The following THSD7B variants were observed in gnomAD, a reference collection of about 807,000 sequenced individuals.
THSD7B encodes the protein thrombospondin type 1 domain containing 7B.
In THSD7B, 138 loss-of-function variants were observed where a neutral mutation model predicts 213.6. That is an observed-to-expected ratio of 0.65 (90% CI 0.56 to 0.74). The LOEUF (loss-of-function observed/expected upper bound fraction) is 0.74. Among genes scored for constraint, THSD7B ranks in the 30% least tolerant of loss-of-function variants. The probability of loss-of-function intolerance (pLI) is 0.00; values close to 1 mark genes in which losing one functional copy is unlikely to be tolerated. For synonymous variants in THSD7B, 742 were observed against 687.0 expected (o/e 1.08, Z -1.25); for missense variants, 1,931 against 1,991.5 (o/e 0.97, Z 0.58).
intron 12 of THSD7B, among the ~76,000 whole-genome samples, chr2:137,378,246 C>T (rs1394463974): frequency 6.6e-6 from 1 of 152,128 alleles, no homozygotes; most frequent in Non-Finnish European, 1.5e-5. Flanking sequence ...GATTTATATG[C>T]ATTTATGATG....
intron 12 of THSD7B, among the ~76,000 whole-genome samples, chr2:137,338,449 A>G (rs925346630): frequency 6.6e-6 from 1 of 152,082 alleles, no homozygotes; most frequent in African/African-American, 2.4e-5. Context: ...GCTTGCACAA[A>G]AAAGAGAAGA....
chr2:137,195,034 A>C (rs973354129), intron 7 of THSD7B, among the ~76,000 whole-genome samples: 1 of 152,054 alleles, frequency 6.6e-6, no homozygotes, highest in African/African-American at 2.4e-5. Flanking sequence ...GAAAGATGCT[A>C]TCTTTAGGAC....
At chr2:137,420,873 G>A (rs1428996479) in intron 14 of THSD7B, among the ~76,000 whole-genome samples, 3 of 152,126 alleles carry the variant, frequency 2.0e-5, no homozygotes, top group Admixed American at 1.3e-4. Context: ...TGTAGTCAGG[G>A]CCATGCTCAC....
At chr2:137,571,023 C>T (rs972467214) in intron 16 of THSD7B, among the ~76,000 whole-genome samples, 4 of 152,094 alleles carry the variant, frequency 2.6e-5, no homozygotes, top group African/African-American at 9.7e-5. Context: ...CATAGGGGTA[C>T]AGCTGGATGA....
chr2:137,425,099 G>GCTA (rs1553448764), intron 14 of THSD7B, among the ~76,000 whole-genome samples: 1 of 147,352 alleles, frequency 6.8e-6, no homozygotes, highest in Non-Finnish European at 1.5e-5. Context: ...TAATAATAAT[G>GCTA]ATAATAATAA....
intron 15 of THSD7B, among the ~76,000 whole-genome samples, chr2:137,517,742 G>A (rs1680098307): frequency 6.6e-6 from 1 of 152,196 alleles, no homozygotes; most frequent in African/African-American, 2.4e-5. Flanking sequence ...GGAGGTATCA[G>A]TGGCAGATAG....
intron 2 of THSD7B, among the ~76,000 whole-genome samples, chr2:137,012,920 A>G (rs1365216136): frequency 6.6e-6 from 1 of 152,248 alleles, no homozygotes; most frequent in Admixed American, 6.5e-5. Flanking sequence ...TACCTGGAGT[A>G]TAGACTTAAC....
At chr2:137,314,276 C>T (rs1048135295) in intron 12 of THSD7B, among the ~76,000 whole-genome samples, 1 of 152,212 alleles carries the variant, frequency 6.6e-6, no homozygotes, top group Non-Finnish European at 1.5e-5. Flanking sequence ...ATCACTGATA[C>T]CCTGTCTTCC....
chr2:137,418,407 C>A (rs1303405501), intron 14 of THSD7B, among the ~76,000 whole-genome samples: 1 of 152,198 alleles, frequency 6.6e-6, no homozygotes, highest in Non-Finnish European at 1.5e-5. Flanking sequence ...ACAAGCCCTT[C>A]ATGATTTTAC....
At chr2:136,972,105 C>T (rs1558872060) in intron 2 of THSD7B, among the ~76,000 whole-genome samples, 1 of 151,746 alleles carries the variant, frequency 6.6e-6, no homozygotes, top group African/African-American at 2.4e-5. Context: ...TGCATATCTA[C>T]ACCTGCAACC....
intron 10 of THSD7B, among the ~76,000 whole-genome samples, chr2:137,256,526 G>A (rs180680758): frequency 1.6e-4 from 24 of 152,306 alleles, no homozygotes; most frequent in African/African-American, 5.5e-4. Flanking sequence ...ATGAATTACA[G>A]GTGGCTAATG....
At chr2:137,026,538 T>G (rs1479403432) in intron 2 of THSD7B, among the ~76,000 whole-genome samples, 1 of 152,166 alleles carries the variant, frequency 6.6e-6, no homozygotes, top group Non-Finnish European at 1.5e-5. Flanking sequence ...TAAATTTCCC[T>G]CAAAATGAAC....
chr2:137,609,238 A>G (rs352177), intron 17 of THSD7B, among the ~76,000 whole-genome samples: 151,818 of 152,260 alleles, frequency 1, 75,693 homozygotes, highest in Middle Eastern at 1. Flanking sequence ...AAATTTAAAA[A>G]AAAAAAACAC....
At chr2:136,941,935 G>C (rs1345664618) in intron 2 of THSD7B, among the ~76,000 whole-genome samples, 3 of 152,180 alleles carry the variant, frequency 2.0e-5, no homozygotes, top group African/African-American at 7.2e-5. Flanking sequence ...CCTGTGTCCT[G>C]AAAGGTATTG....
chr2:136,782,872 A>T (rs947762676), intron 1 of THSD7B, among the ~76,000 whole-genome samples: 2 of 152,194 alleles, frequency 1.3e-5, no homozygotes, highest in African/African-American at 4.8e-5. Context: ...GTTGTACATG[A>T]TAAAAACATG....
chr2:137,287,937 T>G (rs1434486390), intron 12 of THSD7B, among the ~76,000 whole-genome samples: 1 of 152,130 alleles, frequency 6.6e-6, no homozygotes. Context: ...GTAAATGTAA[T>G]AAGATTATAT....
intron 12 of THSD7B, among the ~76,000 whole-genome samples, chr2:137,337,609 T>C (rs565215638): frequency 2.0e-5 from 3 of 152,240 alleles, no homozygotes; most frequent in South Asian, 2.1e-4. Flanking sequence ...TCCTGTTTCT[T>C]ATCATTCTTT....
At chr2:137,671,958 G>A (rs1683587436) in intron 27 of THSD7B, among the ~76,000 whole-genome samples, 1 of 151,958 alleles carries the variant, frequency 6.6e-6, no homozygotes, top group Non-Finnish European at 1.5e-5. Flanking sequence ...TTTTGTCGTG[G>A]TAGTTACCCC....
At chr2:137,123,793 C>T (rs185246815) in intron 5 of THSD7B, among the ~76,000 whole-genome samples, 1 of 152,218 alleles carries the variant, frequency 6.6e-6, no homozygotes, top group Admixed American at 6.5e-5. Context: ...AGTCTCATTT[C>T]TCTTCCTCTT....
Sources: allele counts gnomAD v4.1 joint callset (sites outside exome capture counted in the v4.1 genomes callset), GRCh38; gene constraint gnomAD v4.1.1; transcripts MANE v1.5; gene names NCBI Gene and HGNC (gene_info 2026-07-23, HGNC 2026-07-21).